PDZRN4: variants seen among roughly 807,000 people sequenced by gnomAD.
The protein encoded by PDZRN4 is PDZ domain containing ring finger 4, also known as PDZ domain-containing RING finger protein 4.
Under a neutral mutation model 99.0 loss-of-function variants are expected in PDZRN4, and 70 were observed. That is an observed-to-expected ratio of 0.71 (90% CI 0.58 to 0.86). The LOEUF (loss-of-function observed/expected upper bound fraction) is 0.86, where lower values mean the gene tolerates loss of function less well. Ranked by LOEUF, PDZRN4 falls within the 40% of genes least tolerant of loss-of-function variation. The probability of loss-of-function intolerance (pLI) is 0.00; values close to 1 mark genes in which losing one functional copy is unlikely to be tolerated. For missense variants in PDZRN4, 1,474 were observed against 1,331.2 expected (o/e 1.11, Z -1.67); for synonymous variants, 551 against 501.6 (o/e 1.10, Z -1.32).
intron 3 of PDZRN4, among the ~76,000 whole-genome samples, chr12:41,486,998 C>T (rs1044897408): frequency 3.3e-5 from 5 of 152,066 alleles, no homozygotes; most frequent in African/African-American, 1.2e-4. Flanking sequence ...TCAGTGAGAC[C>T]TACACTGACC....
intron 6 of PDZRN4, among the ~76,000 whole-genome samples, chr12:41,555,052 CAAAAAAAA>C (rs67810817): frequency 1.1e-4 from 13 of 113,534 alleles, no homozygotes; most frequent in East Asian, 5.7e-4. Context: ...ACTAAAAATA[CAAAAAAAA>C]AAAAAAAAAA....
chr12:41,230,101 T>G (rs1951018443), intron 3 of PDZRN4, among the ~76,000 whole-genome samples: 1 of 151,970 alleles, frequency 6.6e-6, no homozygotes, highest in East Asian at 1.9e-4. Flanking sequence ...ATAACATTTT[T>G]GAATATAGTG....
intron 4 of PDZRN4, among the ~76,000 whole-genome samples, chr12:41,508,236 C>G (rs1025718327): frequency 6.6e-6 from 1 of 152,128 alleles, no homozygotes; most frequent in Admixed American, 6.6e-5. Context: ...GGTCTGACCC[C>G]AATGCCTACC....
intron 3 of PDZRN4, among the ~76,000 whole-genome samples, chr12:41,393,048 A>T (rs971631464): frequency 6.6e-5 from 10 of 152,174 alleles, no homozygotes; most frequent in Non-Finnish European, 1.5e-4. Flanking sequence ...TGTTCTCACT[A>T]TCACCAGTGC....
At chr12:41,480,867 T>C (rs886930872) in intron 3 of PDZRN4, among the ~76,000 whole-genome samples, 6 of 152,076 alleles carry the variant, frequency 3.9e-5, no homozygotes, top group Non-Finnish European at 8.8e-5. Context: ...ATACAGAATA[T>C]AATTTCAAAA....
chr12:41,227,374 G>A (rs1378856249), intron 3 of PDZRN4, among the ~76,000 whole-genome samples: 1 of 152,092 alleles, frequency 6.6e-6, no homozygotes, highest in African/African-American at 2.4e-5. Context: ...GTTGCAAACT[G>A]AGACATCAGG....
At chr12:41,379,075 T>C (rs1952103276) in intron 3 of PDZRN4, among the ~76,000 whole-genome samples, 1 of 152,160 alleles carries the variant, frequency 6.6e-6, no homozygotes, top group Admixed American at 6.5e-5. Context: ...CCTTTTTTTA[T>C]GATTCAGTTT....
At chr12:41,259,382 C>T (rs1951223109) in intron 3 of PDZRN4, among the ~76,000 whole-genome samples, 1 of 152,082 alleles carries the variant, frequency 6.6e-6, no homozygotes, top group Non-Finnish European at 1.5e-5. Flanking sequence ...GAGGGACATG[C>T]TTACGTATTT....
chr12:41,188,905 G>C lies in PDZRN4; in HGVS notation c.450G>C (p.Pro150=), dbSNP rs1255321542. ...GCGGGGGCGCGCGCGGGGGGCCGCCGGGCGGCCGCTGGGGCCGCGGGCGGG... is the reference window on the plus strand; with the variant it reads ...GCGGGGGCGCGCGCGGGGGGCCGCCCGGCGGCCGCTGGGGCCGCGGGCGGG... ...GRGGGARGGP[P]GGRWGRGRGP... The change falls in exon 1 of 10, where the codon CCG becomes CCC. Residue 150 remains proline, a synonymous_variant. Coordinates refer to ENST00000402685, the MANE Select transcript of PDZRN4 (RefSeq NM_001164595.2). 9.0e-7 allele frequency: 1 copy of C among 1,111,076 alleles called. No homozygotes were observed. Among genetic ancestry groups the C allele is most frequent in the African/African-American group, 1.7e-5 (1 of 59,892 alleles). The allele number at this position is 1,111,076 out of a possible 1,614,324, so 68.8% of individuals were successfully genotyped here. A position where few individuals can be genotyped will look rare whatever the true frequency, so the allele number is the denominator to read the frequency against.
Position 41,569,633 on chromosome 12 carries a change from A to G in PDZRN4, c.1584+1734A>G, listed in dbSNP as rs577228584. Reference sequence around the variant, plus strand: ...GACAGGCTTAGAAACTTGCAGCACAAACATTCTATCACTTTACCATGTTGA... The same window carrying G: ...GACAGGCTTAGAAACTTGCAGCACAGACATTCTATCACTTTACCATGTTGA... On this transcript the variant is annotated intron_variant, in intron 9 of 9. Transcript: ENST00000402685. Among the ~76,000 whole-genome samples, 6 of 152,338 alleles carry G rather than the reference A, an allele frequency of 3.9e-5. No individual in the cohort carries two copies. In the South Asian group the frequency reaches 8.3e-4, roughly 21 times the overall value.
Position 41,414,102 on chromosome 12 carries a change from G to A in PDZRN4, c.844-92354G>A, listed in dbSNP as rs541133973. On this transcript the variant is annotated intron_variant, in intron 3 of 9. Transcript: ENST00000402685. ...TGGCAGGGTATGAAATTCTTGGTTA[G>A]AATTTCTTTTCTTTGAGAATGCTGA... 7.2e-5 allele frequency among the ~76,000 whole-genome samples: 11 copies of A among 152,216 alleles called. No homozygotes were observed. The East Asian group carries it at 2.1e-3, about 29-fold the overall frequency.
At chr12:41,233,830 C>T (rs1206450772) in intron 3 of PDZRN4, among the ~76,000 whole-genome samples, 2 of 151,736 alleles carry the variant, frequency 1.3e-5, no homozygotes, top group South Asian at 2.1e-4. Context: ...AGGAGACATA[C>T]CTAATACTAA....
At chr12:41,285,521 T>C (rs972148447) in intron 3 of PDZRN4, among the ~76,000 whole-genome samples, 1 of 152,218 alleles carries the variant, frequency 6.6e-6, no homozygotes, top group South Asian at 2.1e-4. Flanking sequence ...ACCCAAAGGA[T>C]TATAAATCAT....
At chr12:41,271,454 G>T (rs1326976337) in intron 3 of PDZRN4, among the ~76,000 whole-genome samples, 1 of 151,900 alleles carries the variant, frequency 6.6e-6, no homozygotes, top group East Asian at 1.9e-4. Context: ...TTCTTCCCTG[G>T]GTTTTGCATA....
At chr12:41,404,998 A>C (rs1295073614) in intron 3 of PDZRN4, among the ~76,000 whole-genome samples, 2 of 152,102 alleles carry the variant, frequency 1.3e-5, no homozygotes, top group Non-Finnish European at 2.9e-5. Context: ...GTAATACCCC[A>C]AACTATAAAA....
intron 3 of PDZRN4, among the ~76,000 whole-genome samples, chr12:41,220,003 A>G (rs1228848267): frequency 6.6e-6 from 1 of 152,100 alleles, no homozygotes; most frequent in African/African-American, 2.4e-5. Context: ...TGCAAAGGAG[A>G]CAAGACTAGT....
intron 3 of PDZRN4, among the ~76,000 whole-genome samples, chr12:41,236,512 G>A (rs1951067942): frequency 6.6e-6 from 1 of 152,030 alleles, no homozygotes; most frequent in Non-Finnish European, 1.5e-5. Context: ...AGAAGATAAG[G>A]CTGGTGCATT....
intron 8 of PDZRN4, among the ~76,000 whole-genome samples, chr12:41,566,343 T>C (rs1939370206): frequency 6.6e-6 from 1 of 152,170 alleles, no homozygotes; most frequent in Non-Finnish European, 1.5e-5. Flanking sequence ...GCACTCCCCA[T>C]TTTAAGTAAT....
At position 41,384,757 on chromosome 12, in the gene PDZRN4, TAACTC is replaced by T. The variant is rs532870971; in HGVS notation, c.844-121694_844-121690del. The stretch of plus-strand genomic sequence containing the variant: ...TTGACTGGAATCATGCATCTCCTAT[TAACTC>T]AACTGTGTGCCCTGGGTGAGACTCA... On this transcript the variant is annotated intron_variant, in intron 3 of 9. Transcript: ENST00000402685. 7.0e-4 allele frequency among the ~76,000 whole-genome samples: 106 copies of T among 152,244 alleles called. 3 individuals carry two copies. The highest frequency in any genetic ancestry group is 2.0e-3 in the African/African-American group (83 of 41,562).
Sources: gnomAD v4.1 joint callset for allele counts (sites outside exome capture counted in the v4.1 genomes callset) on GRCh38, gnomAD v4.1.1 for gene constraint, MANE v1.5 for transcripts, NCBI Gene and HGNC (gene_info 2026-07-23, HGNC 2026-07-21) for gene names.